Variants in SORBS2 observed in about 807,000 individuals in gnomAD.
SORBS2 encodes sorbin and SH3 domain containing 2.
SORBS2 carries 46 observed loss-of-function variants against 97.7 expected under a neutral mutation model. The observed-to-expected ratio is 0.47, with a 90% CI of 0.37 to 0.60. SORBS2 has a LOEUF of 0.60. SORBS2 is among the 20% of genes least tolerant of loss of function. The pLI, the probability that SORBS2 is intolerant of heterozygous loss-of-function variation, is 0.00. For synonymous variants in SORBS2, 476 were observed against 473.4 expected, an observed-to-expected ratio of 1.01 and a Z score of -0.07; for missense variants, 1,316 against 1,282.3, an observed-to-expected ratio of 1.03 and a Z score of -0.40.
intron 1 of SORBS2, among the ~76,000 whole-genome samples, chr4:185,915,156 C>T (rs191451163): frequency 2.0e-4 from 30 of 152,280 alleles, no homozygotes; most frequent in African/African-American, 5.5e-4. Context: ...AAACTTTTTT[C>T]GGCCTTTATA....
At chr4:185,659,572 A>T (rs1167825476), upstream of SORBS2, among the ~76,000 whole-genome samples, 3 of 142,162 alleles carry the variant, frequency 2.1e-5, 1 homozygote, top group East Asian at 6.3e-4. Context: ...GCCCGCCATC[A>T]CGCCCAGCTA....
chr4:185,683,067 G>T (rs550490054), intron 2 of SORBS2, among the ~76,000 whole-genome samples: 1 of 151,332 alleles, frequency 6.6e-6, no homozygotes, highest in African/African-American at 2.4e-5. Flanking sequence ...CTTACTTTAC[G>T]TCTAATTGAC....
intron 7 of SORBS2, among the ~76,000 whole-genome samples, chr4:185,621,666 C>A (rs1581147888): frequency 6.6e-6 from 1 of 152,152 alleles, no homozygotes; most frequent in Admixed American, 6.5e-5. Context: ...TGAAAGCAAA[C>A]ATAAAGACTA....
At chr4:185,683,448 C>T (rs559067112) in intron 2 of SORBS2, among the ~76,000 whole-genome samples, 2 of 152,132 alleles carry the variant, frequency 1.3e-5, no homozygotes, top group Non-Finnish European at 2.9e-5. Flanking sequence ...ATTGGCATTC[C>T]AATTACACGA....
intron 2 of SORBS2, among the ~76,000 whole-genome samples, chr4:185,725,449 A>G (rs980990936): frequency 6.6e-6 from 1 of 152,188 alleles, no homozygotes; most frequent in African/African-American, 2.4e-5. Flanking sequence ...TTAGCATCCC[A>G]ATATAGATTC....
intron 1 of SORBS2, among the ~76,000 whole-genome samples, chr4:185,839,197 AG>A (rs2153676774): frequency 6.6e-6 from 1 of 152,368 alleles, no homozygotes; most frequent in East Asian, 1.9e-4. Flanking sequence ...GAGCTAAGTC[AG>A]AAGACAAATG....
intron 1 of SORBS2, among the ~76,000 whole-genome samples, chr4:185,831,435 C>A (rs971448117): frequency 1.3e-5 from 2 of 152,184 alleles, no homozygotes; most frequent in Admixed American, 6.5e-5. Context: ...GACCTTTTAT[C>A]TTTACTTTAA....
chr4:185,838,455 C>T (rs2099209505), intron 1 of SORBS2, among the ~76,000 whole-genome samples: 2 of 152,294 alleles, frequency 1.3e-5, no homozygotes, highest in South Asian at 2.1e-4. Context: ...GGGGGGCTCA[C>T]GGAGGAGAGC....
chr4:185,640,042 A>C (rs969849207), intron 4 of SORBS2, among the ~76,000 whole-genome samples: 2 of 152,200 alleles, frequency 1.3e-5, no homozygotes, highest in South Asian at 4.1e-4. Context: ...CTTACTAATA[A>C]ATTATACTCA....
At chr4:185,627,116 T>A in intron 5 of SORBS2, 97 bp from the exon 18 acceptor site, 2 of 973,906 alleles carry the variant, frequency 2.1e-6, no homozygotes, top group South Asian at 2.8e-5. Flanking sequence ...ATGGCGTAAC[T>A]CCTAAACCTC....
chr4:185,696,402 C>T (rs1466494458), intron 2 of SORBS2, among the ~76,000 whole-genome samples: 1 of 152,148 alleles, frequency 6.6e-6, no homozygotes, highest in African/African-American at 2.4e-5. Flanking sequence ...GTGAATCACT[C>T]ATTTCACTAT....
At chr4:185,614,236 C>T (rs1404617437) in intron 11 of SORBS2, among the ~76,000 whole-genome samples, 5 of 129,564 alleles carry the variant, frequency 3.9e-5, no homozygotes, top group African/African-American at 1.5e-4. Context: ...GGATTACAGG[C>T]GTGAGCCACC....
rs2096422188 is a variant in SORBS2 at position 185,606,487 on chromosome 4, CTG to C, written c.2796+5291_2796+5292del. On this transcript the variant is annotated intron_variant, in intron 12 of 14. Transcript: ENST00000418609. This position sits in a 1 kb window ranked among gnomAD's most constrained non-coding sequence, Gnocchi z 4.3. Reference sequence around the variant, plus strand: ...ATTTGTGTTTTTTGTTTAAAAAAATCTGTTAGTCAAAATAGGTATTTATTAAT... The same window carrying C: ...ATTTGTGTTTTTTGTTTAAAAAAATCTTAGTCAAAATAGGTATTTATTAAT... The C allele has an allele frequency of 2.0e-6, 2 of 982,992 alleles. No homozygotes were observed. Among genetic ancestry groups the C allele is most frequent in the Non-Finnish European group, 2.4e-6 (2 of 827,750 alleles). 60.9% of individuals were successfully genotyped at this position (982,992 alleles called of 1,614,324 possible). A position where few individuals can be genotyped will look rare whatever the true frequency, so the allele number is the denominator to read the frequency against.
intron 2 of SORBS2, among the ~76,000 whole-genome samples, chr4:185,719,660 A>G (rs1388495806): frequency 5.3e-5 from 8 of 152,254 alleles, no homozygotes; most frequent in Non-Finnish European, 1.2e-4. Flanking sequence ...AATGAGTAGC[A>G]CTTGACAAGG....
intron 1 of SORBS2, among the ~76,000 whole-genome samples, chr4:185,886,080 G>A (rs909731619): frequency 2.0e-5 from 3 of 152,174 alleles, no homozygotes; most frequent in African/African-American, 7.2e-5. Context: ...ATGTGTTACA[G>A]GTGAACATAG....
intron 1 of SORBS2, among the ~76,000 whole-genome samples, chr4:185,896,766 CAG>C (rs1417446935): frequency 6.6e-6 from 1 of 151,920 alleles, no homozygotes; most frequent in Non-Finnish European, 1.5e-5. Context: ...ATGTCCTCTG[CAG>C]AGAGTTCTTG....
At chr4:185,736,960 C>G (rs1458434800) in intron 2 of SORBS2, among the ~76,000 whole-genome samples, 1 of 152,170 alleles carries the variant, frequency 6.6e-6, no homozygotes, top group South Asian at 2.1e-4. Flanking sequence ...AACATTTCTC[C>G]TTCGAGTTGG....
Position 185,684,539 on chromosome 4 carries a change from C to G in SORBS2, c.-197-5717G>C, listed in dbSNP as rs10003750. On this transcript the variant is annotated intron_variant, in intron 2 of 20. Coordinates refer to the SORBS2 transcript ENST00000284776. This position sits in a 1 kb window ranked among gnomAD's most constrained non-coding sequence, Gnocchi z 4.2. The stretch of plus-strand genomic sequence containing the variant: ...TGAGTTATCTTAATGAAATATTATG[C>G]TACTTAAGTTCATGAGATAACAAAA... Among the ~76,000 whole-genome samples the G allele has an allele frequency of 6.6e-6, 1 of 151,802 alleles. No homozygotes were observed. Among genetic ancestry groups the G allele is most frequent in the African/African-American group, 2.4e-5 (1 of 41,254 alleles).
chr4:185,676,880 C>T, intron 4 of SORBS2: 1 of 784,456 alleles, frequency 1.3e-6, no homozygotes, highest in Non-Finnish European at 2.0e-6. Flanking sequence ...TTTCTCCTTT[C>T]CCTTCCTGCT....
Sources: gnomAD v4.1 joint callset for allele counts (sites outside exome capture counted in the v4.1 genomes callset) on GRCh38, gnomAD v4.1.1 for gene constraint, Gnocchi (gnomAD v3.1) non-coding constraint, MANE v1.5 for transcripts, NCBI Gene and HGNC (gene_info 2026-07-23, HGNC 2026-07-21) for gene names.